Variants in ZNF469 observed in about 807,000 individuals in gnomAD.
ZNF469 encodes the protein zinc finger protein 469.
In ZNF469, 1 loss-of-function variant was observed where a neutral mutation model predicts 1.0. The observed-to-expected ratio is 1.00, with a 90% CI of 0.35 to 4.73. The LOEUF (loss-of-function observed/expected upper bound fraction) is 4.73. Ranked by LOEUF, ZNF469 falls within the 30% of genes most tolerant of loss-of-function variation. The pLI, the probability that ZNF469 is intolerant of heterozygous loss-of-function variation, is 0.16. For missense variants in ZNF469, 6,100 were observed against 5,356.3 expected, an observed-to-expected ratio of 1.14 and a Z score of -4.33; for synonymous variants, 2,703 against 2,363.4, an observed-to-expected ratio of 1.14 and a Z score of -4.17.
chr16:88,198,482 C>T, the ZNF469 span, among the ~76,000 whole-genome samples: 1 of 152,250 alleles, frequency 6.6e-6, no homozygotes, highest in Non-Finnish European at 1.5e-5. Context: ...CCATGAGTCA[C>T]ACGTGACTGT....
chr16:88,208,801 ACACT>A, the ZNF469 span, among the ~76,000 whole-genome samples: 3 of 20,176 alleles, frequency 1.5e-4, no homozygotes, highest in African/African-American at 3.1e-4. Flanking sequence ...ACACACACAC[ACACT>A]CTCTCTCTCT....
chr16:88,200,602 C>G, the ZNF469 span, among the ~76,000 whole-genome samples: 1 of 152,230 alleles, frequency 6.6e-6, no homozygotes, highest in Non-Finnish European at 1.5e-5. Flanking sequence ...TGCTGCTTTT[C>G]CTCTGCAAAT....
the ZNF469 span, among the ~76,000 whole-genome samples, chr16:88,165,044 C>T: frequency 6.6e-6 from 1 of 152,210 alleles, no homozygotes; most frequent in Non-Finnish European, 1.5e-5. Flanking sequence ...TGCCGATGAT[C>T]CTGAGGGAGG....
At chr16:88,305,041 C>G in the ZNF469 span, among the ~76,000 whole-genome samples, 1 of 152,132 alleles carries the variant, frequency 6.6e-6, no homozygotes, top group Admixed American at 6.5e-5. Flanking sequence ...AGAGGCCAAG[C>G]TGGAGACAGG....
chr16:88,105,846 A>G, the ZNF469 span, among the ~76,000 whole-genome samples: 1 of 152,182 alleles, frequency 6.6e-6, no homozygotes, highest in Non-Finnish European at 1.5e-5. Context: ...TGGGTGGGAA[A>G]AGTCCCTGGA....
rs1210517392 is a variant in ZNF469 at position 88,437,987 on chromosome 16, C to G, written c.10517C>G (p.Pro3506Arg). The G allele has an allele frequency of 6.5e-7, 1 of 1,548,508 alleles. No individual in the cohort carries two copies. The highest frequency in any genetic ancestry group is 2.4e-5 in the East Asian group (1 of 40,902). Residue 3506 changes from proline (P) to arginine (R), a missense_variant, in exon 3 of 3, where the codon CCG becomes CGG. Physicochemically the swap from Pro to Arg is moderately radical, Grantham distance 103 (BLOSUM62 -2). Coordinates refer to ENST00000565624, the MANE Select transcript of ZNF469 (RefSeq NM_001367624.2). ...SSPILSEGSL[P>R]ALLHLCSEVA... ...CCCATCCTGAGTGAGGGCTCTCTCC[C>G]GGCCCTGCTCCACCTGTGTTCGGAG...
At chr16:88,323,746 C>T in the ZNF469 span, among the ~76,000 whole-genome samples, 1 of 152,160 alleles carries the variant, frequency 6.6e-6, no homozygotes, top group African/African-American at 2.4e-5. Context: ...CGGTAATGGC[C>T]GTGGTCCCAC....
chr16:88,332,209 T>C, the ZNF469 span, among the ~76,000 whole-genome samples: 1 of 152,240 alleles, frequency 6.6e-6, no homozygotes, highest in Non-Finnish European at 1.5e-5. Flanking sequence ...TGACAGAGGA[T>C]GGAAAATGAC....
chr16:88,191,744 G>C, the ZNF469 span: 4 of 152,320 alleles, frequency 2.6e-5, 1 homozygote, highest in African/African-American at 9.6e-5. Flanking sequence ...GCCCTGCTGA[G>C]AATTAAAACA....
intron 1 of ZNF469, among the ~76,000 whole-genome samples, chr16:88,413,335 C>T (rs1905224648): frequency 6.6e-6 from 1 of 152,166 alleles, no homozygotes; most frequent in African/African-American, 2.4e-5. Flanking sequence ...TCTCTCTTCC[C>T]TTCACCCTCA....
the ZNF469 span, among the ~76,000 whole-genome samples, chr16:88,156,237 A>G: frequency 2.6e-5 from 4 of 152,158 alleles, no homozygotes; most frequent in African/African-American, 9.7e-5. Flanking sequence ...AGAAGTTTTC[A>G]TCTTGATGCA....
the ZNF469 span, among the ~76,000 whole-genome samples, chr16:88,248,369 C>G: frequency 6.6e-6 from 1 of 152,146 alleles, no homozygotes; most frequent in Non-Finnish European, 1.5e-5. Context: ...CATTCGGGGA[C>G]TGAAATATTG....
chr16:88,159,822 G>A, the ZNF469 span, among the ~76,000 whole-genome samples: 4 of 152,280 alleles, frequency 2.6e-5, no homozygotes, highest in South Asian at 8.3e-4. Flanking sequence ...TGGGCAGTGA[G>A]GCTGTCATCC....
the ZNF469 span, among the ~76,000 whole-genome samples, chr16:88,376,134 G>A: frequency 5.9e-5 from 9 of 152,384 alleles, no homozygotes; most frequent in East Asian, 9.6e-4. Flanking sequence ...CGGCGCAGCC[G>A]GGCCACAAGG....
At chr16:88,249,395 T>TTTTTTC in the ZNF469 span, among the ~76,000 whole-genome samples, 1 of 150,022 alleles carries the variant, frequency 6.7e-6, no homozygotes, top group South Asian at 2.1e-4. Flanking sequence ...ACTGCCATTT[T>TTTTTTC]TTTTTCTTTT....
chr16:88,162,180 C>A, the ZNF469 span, among the ~76,000 whole-genome samples: 2 of 152,066 alleles, frequency 1.3e-5, no homozygotes, highest in African/African-American at 4.8e-5. Context: ...AGCCAACTTG[C>A]CCTGAGCTTC....
At chr16:88,267,983 C>T in the ZNF469 span, among the ~76,000 whole-genome samples, 130 of 150,888 alleles carry the variant, frequency 8.6e-4, no homozygotes, top group African/African-American at 3.1e-3. Flanking sequence ...TCTCCACATT[C>T]TTACCGGCTC....
chr16:88,275,824 A>AC, the ZNF469 span, among the ~76,000 whole-genome samples: 7 of 151,084 alleles, frequency 4.6e-5, 1 homozygote, highest in South Asian at 2.1e-4. Flanking sequence ...AGGGGATAAG[A>AC]CCCCCCCAGG....
the ZNF469 span, among the ~76,000 whole-genome samples, chr16:88,309,001 A>G: frequency 1.3e-5 from 2 of 152,034 alleles, no homozygotes; most frequent in African/African-American, 4.8e-5. Context: ...CCACCGTGCA[A>G]AGGGCTCCCA....
Sources: allele counts gnomAD v4.1 joint callset (sites outside exome capture counted in the v4.1 genomes callset), GRCh38; gene constraint gnomAD v4.1.1; transcripts MANE v1.5; gene names NCBI Gene and HGNC (gene_info 2026-07-23, HGNC 2026-07-21).